The following PLA2G2C variants were observed in gnomAD, a reference collection of about 807,000 sequenced individuals.
The protein encoded by PLA2G2C is putative inactive group IIC secretory phospholipase A2.
Under a neutral mutation model 14.3 loss-of-function variants are expected in PLA2G2C, and 15 were observed. The observed-to-expected ratio is 1.05, with a 90% CI of 0.70 to 1.62. The LOEUF is 1.62. PLA2G2C is among the 40% of genes most tolerant of loss of function. The probability of loss-of-function intolerance (pLI) is 0.00; values close to 1 mark genes in which losing one functional copy is unlikely to be tolerated. For synonymous variants in PLA2G2C, 79 were observed against 67.7 expected (o/e 1.17, Z -0.82); for missense variants, 162 against 173.2 (o/e 0.94, Z 0.36).
At chr1:20,184,161 CTGTGCACTGGCAAAGGCGCGCGTG>C (rs2018322185) in intron 1 of PLA2G2C, 1 of 151,758 alleles carries the variant, frequency 6.6e-6, no homozygotes, top group African/African-American at 2.4e-5. Context: ...CGCCATTTCA[CTGTGCACTGGCAAAGGCGCGCGTG>C]CGTGCGCACA....
chr1:20,183,606 T>A (rs2018311752), intron 1 of PLA2G2C, among the ~76,000 whole-genome samples: 1 of 152,252 alleles, frequency 6.6e-6, no homozygotes, highest in Admixed American at 6.5e-5. Flanking sequence ...CTTGGGCATG[T>A]TCCACTGGAC....
At chr1:20,166,054 T>C (rs1411507019) in intron 4 of PLA2G2C, among the ~76,000 whole-genome samples, 1 of 152,224 alleles carries the variant, frequency 6.6e-6, no homozygotes, top group African/African-American at 2.4e-5. Flanking sequence ...TGAGGGTCAC[T>C]GGTGTCTACC....
chr1:20,166,496 G>C (rs1261327929), intron 4 of PLA2G2C, among the ~76,000 whole-genome samples: 1 of 152,158 alleles, frequency 6.6e-6, no homozygotes, highest in Admixed American at 6.5e-5. Context: ...TCTCTCAGGG[G>C]ACGAGGGCTA....
chr1:20,179,925 G>C (rs1304872810), intron 1 of PLA2G2C, among the ~76,000 whole-genome samples: 1 of 148,074 alleles, frequency 6.8e-6, no homozygotes, highest in Non-Finnish European at 1.5e-5. Flanking sequence ...TCCCTTCCTT[G>C]TATGTCACCT....
intron 3 of PLA2G2C, among the ~76,000 whole-genome samples, chr1:20,174,351 T>A (rs1160343413): frequency 2.0e-5 from 3 of 152,230 alleles, no homozygotes; most frequent in South Asian, 2.1e-4. Context: ...ATTCACCAGA[T>A]GACACCCACC....
chr1:20,171,808 C>A (rs2018080868), intron 4 of PLA2G2C, among the ~76,000 whole-genome samples: 1 of 139,210 alleles, frequency 7.2e-6, no homozygotes, highest in Admixed American at 7.8e-5. Context: ...GTGGCCCAGG[C>A]GGGAGTGCAG....
intron 4 of PLA2G2C, 146 bp downstream of exon 4, chr1:20,172,648 G>T (rs2018106973): frequency 2.9e-6 from 2 of 701,058 alleles, no homozygotes; most frequent in Non-Finnish European, 4.7e-6. Context: ...GAGAAGCTCT[G>T]GAGCATCAGG....
intron 2 of PLA2G2C, among the ~76,000 whole-genome samples, chr1:20,175,702 C>G (rs952232979): frequency 2.6e-5 from 4 of 152,174 alleles, no homozygotes; most frequent in African/African-American, 7.2e-5. Context: ...GAAGCATTAT[C>G]TGTGATATCA....
chr1:20,165,960 G>A (rs1343732759), intron 4 of PLA2G2C, among the ~76,000 whole-genome samples: 2 of 152,218 alleles, frequency 1.3e-5, no homozygotes, highest in Non-Finnish European at 2.9e-5. Flanking sequence ...GGGCAAGTTA[G>A]CTTCAGCTTC....
intron 1 of PLA2G2C, among the ~76,000 whole-genome samples, chr1:20,183,108 C>T (rs757605272): frequency 6.6e-6 from 1 of 152,232 alleles, no homozygotes; most frequent in Non-Finnish European, 1.5e-5. Context: ...AGGAGATGTA[C>T]ACTGTAAGTG....
At chr1:20,178,569 C>T (rs1026279298) in intron 1 of PLA2G2C, among the ~76,000 whole-genome samples, 11 of 152,080 alleles carry the variant, frequency 7.2e-5, no homozygotes, top group African/African-American at 2.7e-4. Context: ...AATTGCTGTG[C>T]GGGATGTTTT....
intron 1 of PLA2G2C, among the ~76,000 whole-genome samples, chr1:20,178,220 C>T (rs2018217916): frequency 6.6e-6 from 1 of 152,204 alleles, no homozygotes; most frequent in South Asian, 2.1e-4. Flanking sequence ...TGGGTTGCAG[C>T]CCTGCCATGG....
At chr1:20,176,515 T>C (rs182685604) in intron 2 of PLA2G2C, among the ~76,000 whole-genome samples, 119 of 152,358 alleles carry the variant, frequency 7.8e-4, no homozygotes, top group African/African-American at 2.7e-3. Context: ...ACTATCGTGT[T>C]CAGTCTAAAC....
intron 1 of PLA2G2C, chr1:20,184,197 G>GCGCACACACACACACA (rs1553184784): frequency 2.7e-5 from 4 of 149,722 alleles, no homozygotes; most frequent in African/African-American, 9.8e-5. Context: ...GTGCGCACAC[G>GCGCACACACACACACA]CACACACACA....
chr1:20,175,910 CTTTT>C lies in PLA2G2C; in HGVS notation c.41-769_41-766del, dbSNP rs1245322352. 1.8e-4 allele frequency among the ~76,000 whole-genome samples: 25 copies of C among 139,870 alleles called. No homozygotes were observed. The East Asian group carries it at 5.1e-3, about 29-fold the overall frequency. 91.8% of individuals were successfully genotyped at this position (139,870 alleles called of 152,430 possible). On this transcript the variant is annotated intron_variant, in intron 2 of 4. Coordinates refer to ENST00000679259, the MANE Select transcript of PLA2G2C (RefSeq NM_001367969.2). ...TAATAAGCGTGTGTTCCCTTTCCTT[CTTTT>C]TTTTTTTTTTTTGAGACGGAGTTTC...
chr1:20,182,998 T>C (rs1170095351), intron 1 of PLA2G2C, among the ~76,000 whole-genome samples: 1 of 152,190 alleles, frequency 6.6e-6, no homozygotes, highest in Non-Finnish European at 1.5e-5. Flanking sequence ...ACCACCATCA[T>C]CATTGCCGAG....
At chr1:20,181,423 T>C (rs1334081675) in intron 1 of PLA2G2C, among the ~76,000 whole-genome samples, 1 of 151,978 alleles carries the variant, frequency 6.6e-6, no homozygotes, top group African/African-American at 2.4e-5. Context: ...GTAAGGGTAA[T>C]TGAAGCTGGC....
intron 3 of PLA2G2C, among the ~76,000 whole-genome samples, chr1:20,173,358 G>A (rs1557787305): frequency 6.6e-6 from 1 of 151,992 alleles, no homozygotes; most frequent in African/African-American, 2.4e-5. Flanking sequence ...ATAACCAGTA[G>A]CATTTCCTGA....
At chr1:20,178,545 C>A (rs2018226266) in intron 1 of PLA2G2C, among the ~76,000 whole-genome samples, 2 of 152,194 alleles carry the variant, frequency 1.3e-5, no homozygotes, top group Non-Finnish European at 2.9e-5. Flanking sequence ...CTGGTCCCAG[C>A]CAACCTTCAC....
Sources: allele counts gnomAD v4.1 joint callset (sites outside exome capture counted in the v4.1 genomes callset), GRCh38; gene constraint gnomAD v4.1.1; transcripts MANE v1.5; gene names NCBI Gene and HGNC (gene_info 2026-07-23, HGNC 2026-07-21).